NCAPD2: variants seen among roughly 807,000 people sequenced by gnomAD.
NCAPD2 encodes the protein non-SMC condensin I complex subunit D2, also known as condensin complex subunit 1.
Under a neutral mutation model 164.5 loss-of-function variants are expected in NCAPD2, and 100 were observed. The ratio of observed to expected loss-of-function variants is 0.61; its 90% CI spans 0.52 to 0.72. NCAPD2 has a LOEUF of 0.72. NCAPD2 is among the 30% of genes least tolerant of loss of function. NCAPD2 has a pLI of 0.00. For synonymous variants in NCAPD2, 585 were observed against 642.6 expected, an observed-to-expected ratio of 0.91 and a Z score of 1.36; for missense variants, 1,560 against 1,749.2, an observed-to-expected ratio of 0.89 and a Z score of 1.93.
Position 6,521,891 on chromosome 12 carries a change from C to G in NCAPD2, c.1808C>G (p.Ser603Trp). 1 of 1,614,064 alleles carries G rather than the reference C, an allele frequency of 6.2e-7. No homozygotes were observed. The highest frequency in any genetic ancestry group is 1.3e-5 in the African/African-American group (1 of 75,000). The change falls in exon 15 of 32, where the codon TCG becomes TGG. Residue 603 changes from serine to tryptophan, a missense_variant. By Grantham distance (177) the Ser-to-Trp change is radical. Coordinates refer to ENST00000315579, the MANE Select transcript of NCAPD2 (RefSeq NM_014865.4). ...GTCTGTAAAAATAAACCCAATATGT[C>G]GGATCCTGAGGAATCCAGGGGAAAT... is the stretch of plus-strand genomic sequence containing the variant. ...QTVCKNKPNM[S>W]DPEESRGNDE...
At chr12:6,519,597 A>T (rs955529413) in intron 13 of NCAPD2, among the ~76,000 whole-genome samples, 3 of 152,012 alleles carry the variant, frequency 2.0e-5, no homozygotes, top group Admixed American at 6.5e-5. Context: ...CATGTAGACA[A>T]GCAGTCAAAC....
intron 2 of NCAPD2, among the ~76,000 whole-genome samples, chr12:6,498,444 T>C (rs1253647478): frequency 2.0e-5 from 3 of 152,166 alleles, no homozygotes; most frequent in African/African-American, 7.2e-5. Flanking sequence ...CAAGTAAATA[T>C]GTAGTACAGT....
intron 16 of NCAPD2, 95 bp downstream of exon 16, chr12:6,523,097 G>T: frequency 6.6e-7 from 1 of 1,513,794 alleles, no homozygotes; most frequent in East Asian, 2.3e-5. Flanking sequence ...ATTTCTCCAG[G>T]GGAGTTCCAG....
chr12:6,517,028 A>T lies in NCAPD2; in HGVS notation c.1185+3A>T, dbSNP rs747533042. On this transcript the variant is annotated splice_donor_region_variant and intron_variant, in intron 10 of 31. Transcript: ENST00000315579. Reference sequence around the variant, plus strand: ...TCACCCGAATTGTCCAGCAGAAGGTAACCAACTTCTATGTGGCAAAAACAT... The same window carrying T: ...TCACCCGAATTGTCCAGCAGAAGGTTACCAACTTCTATGTGGCAAAAACAT... 4.3e-6 allele frequency: 7 copies of T among 1,614,096 alleles called. No homozygotes were observed. The highest frequency in any genetic ancestry group is 5.9e-6 in the Non-Finnish European group (7 of 1,179,952).
intron 28 of NCAPD2, 34 bp from the exon 29 acceptor site, chr12:6,529,741 T>C (rs1344909142): frequency 6.2e-7 from 1 of 1,603,476 alleles, no homozygotes; most frequent in Non-Finnish European, 8.5e-7. Flanking sequence ...TAGCTGGATC[T>C]CCCAGTTCCT....
chr12:6,529,527 A>G lies in NCAPD2; in HGVS notation c.3587A>G (p.Tyr1196Cys). ...FHTIMKQLLS[Y>C]ITKDKQTESL... Reference sequence around the variant, plus strand: ...CCTTCCTGCAGACAGCTCCTCTCCTACATCACCAAGGACAAGCAGACAGAG... The same window carrying G: ...CCTTCCTGCAGACAGCTCCTCTCCTGCATCACCAAGGACAAGCAGACAGAG... The change falls in exon 28 of 32, where the codon TAC (tyrosine) becomes TGC (cysteine). Residue 1196 changes from tyrosine (Y) to cysteine (C), a missense_variant. By Grantham distance (194) the Tyr-to-Cys change is radical. Transcript: ENST00000315579. 1 of 1,613,998 alleles carries G rather than the reference A, an allele frequency of 6.2e-7. No individual in the cohort carries two copies. Among genetic ancestry groups the G allele is most frequent in the Non-Finnish European group, 8.5e-7 (1 of 1,179,930 alleles).
chr12:6,502,768 C>G (rs969233269), intron 2 of NCAPD2, among the ~76,000 whole-genome samples: 1 of 151,866 alleles, frequency 6.6e-6, no homozygotes, highest in Non-Finnish European at 1.5e-5. Flanking sequence ...AAGCTATGAT[C>G]CTGCACTGCA....
Position 6,517,882 on chromosome 12 carries a change from T to C in NCAPD2, c.1512T>C (p.Pro504=). Residue 504 remains proline (P), a synonymous_variant, in exon 13 of 32, where the codon CCT becomes CCC. Transcript: ENST00000315579. ...LQLPQGEEEI[P]EQIANTETTE... ...TTCCCCAGGGAGAGGAGGAGATTCC[T>C]GAGCAAATTGCCAATACAGAGACAA... is the stretch of plus-strand genomic sequence containing the variant. 2 of 1,614,198 alleles carry C rather than the reference T, an allele frequency of 1.2e-6. No homozygotes were observed. The highest frequency in any genetic ancestry group is 8.5e-7 in the Non-Finnish European group (1 of 1,180,040).
In NCAPD2 at chr12:6,527,765, C is replaced by T; in HGVS notation, c.2908-12C>T. Reference sequence around the variant, plus strand: ...TCTGCTTATCCATGATCCCCAATTTCATTCCCTTTAGAATACGAGCTCTGA... The same window carrying T: ...TCTGCTTATCCATGATCCCCAATTTTATTCCCTTTAGAATACGAGCTCTGA... On this transcript the variant is annotated splice_polypyrimidine_tract_variant and intron_variant, in intron 22 of 31. Coordinates refer to ENST00000315579, the MANE Select transcript of NCAPD2 (RefSeq NM_014865.4). 6.2e-7 allele frequency: 1 copy of T among 1,600,810 alleles called. No individual in the cohort carries two copies. Among genetic ancestry groups the T allele is most frequent in the South Asian group, 1.1e-5 (1 of 89,992 alleles).
Position 6,527,884 on chromosome 12 carries a change from G to A in NCAPD2, c.3015G>A (p.Leu1005=). ...GTGGCATCTGCGAGATGGAACTGTTGGATGGTAAGAAAAATGGCTGCACTC... is the reference window on the plus strand; with the variant it reads ...GTGGCATCTGCGAGATGGAACTGTTAGATGGTAAGAAAAATGGCTGCACTC... ...LIRGICEMEL[L]DGKQTLAAFV... Residue 1005 remains leucine (L), a synonymous_variant, in exon 23 of 32, where the codon TTG becomes TTA. Transcript: ENST00000315579. 4 of 1,613,674 alleles carry A rather than the reference G, an allele frequency of 2.5e-6. No homozygotes were observed. The highest frequency in any genetic ancestry group is 3.4e-6 in the Non-Finnish European group (4 of 1,179,590).
intron 9 of NCAPD2, 113 bp downstream of exon 9, chr12:6,515,033 T>C: frequency 8.6e-7 from 1 of 1,166,114 alleles, no homozygotes; most frequent in Non-Finnish European, 1.2e-6. Context: ...TCTAGATTTA[T>C]CATTGTGACA....
chr12:6,517,380 C>G lies in NCAPD2; in HGVS notation c.1201C>G (p.Arg401Gly), dbSNP rs771172038. ...IVQQKALPLT[R>G]FQAVVALAVG... ...CCCTACACAGGCTCTCCCCCTGACA[C>G]GTTTCCAGGCAGTGGTGGCTTTAGC... The change falls in exon 11 of 32, where the codon CGT becomes GGT. Residue 401 changes from arginine (R) to glycine (G), a missense_variant. Arg to Gly is a moderately radical substitution (Grantham distance 125). Coordinates refer to ENST00000315579, the MANE Select transcript of NCAPD2 (RefSeq NM_014865.4). 2 of 1,614,098 alleles carry G rather than the reference C, an allele frequency of 1.2e-6. No individual in the cohort carries two copies. The highest frequency in any genetic ancestry group is 1.7e-6 in the Non-Finnish European group (2 of 1,180,002).
At chr12:6,510,350 C>T (rs760387776) in intron 4 of NCAPD2, 2 of 783,756 alleles carry the variant, frequency 2.6e-6, no homozygotes, top group Admixed American at 3.4e-5. Context: ...AAGGGCAGAC[C>T]AACAAGAACT....
Position 6,514,886 on chromosome 12 carries a change from G to C in NCAPD2, c.953G>C (p.Ser318Thr). The change falls in exon 9 of 32, where the codon AGC becomes ACC. Residue 318 changes from serine to threonine, a missense_variant. Transcript: ENST00000315579. Reference protein sequence around the residue: ...AERVPAILMSSMCILLDHLDG... With the variant: ...AERVPAILMSTMCILLDHLDG... ...CGTGTCCCAGCTATCCTGATGTCCA[G>C]CATGTGCATTTTGCTAGATCACCTG... 1 of 1,614,220 alleles carries C rather than the reference G, an allele frequency of 6.2e-7. No homozygotes were observed. The highest frequency in any genetic ancestry group is 1.1e-5 in the South Asian group (1 of 91,084).
At chr12:6,517,312 C>G in intron 10 of NCAPD2, 53 bp from the exon 11 acceptor site, 1 of 1,593,848 alleles carries the variant, frequency 6.3e-7, no homozygotes, top group South Asian at 1.1e-5. Flanking sequence ...TCATCTTGAA[C>G]AAAATGGATG....
In NCAPD2 at chr12:6,514,914, T is replaced by C; in HGVS notation, c.981T>C (p.Asp327=). 6.2e-7 allele frequency: 1 copy of C among 1,614,212 alleles called. No homozygotes were observed. The highest frequency in any genetic ancestry group is 8.5e-7 in the Non-Finnish European group (1 of 1,180,030). The change falls in exon 9 of 32, where the codon GAT becomes GAC. Residue 327 remains aspartate (D), a synonymous_variant. Coordinates refer to ENST00000315579, the MANE Select transcript of NCAPD2 (RefSeq NM_014865.4). The part of the protein sequence containing the change: ...SSMCILLDHL[D]GENYMMRNAV... Reference sequence around the variant, plus strand: ...TGTGCATTTTGCTAGATCACCTGGATGGAGAAGTAGGTGGTCCACTAGGGG... The same window carrying C: ...TGTGCATTTTGCTAGATCACCTGGACGGAGAAGTAGGTGGTCCACTAGGGG...
In NCAPD2 at chr12:6,516,980, G is replaced by A. The variant is rs202243696; in HGVS notation, c.1140G>A (p.Val380=). 1 of 1,614,116 alleles carries A rather than the reference G, an allele frequency of 6.2e-7. No homozygotes were observed. The highest frequency in any genetic ancestry group is 1.3e-5 in the African/African-American group (1 of 75,018). Residue 380 remains valine (V), a synonymous_variant, in exon 10 of 32, where the codon GTG becomes GTA. Coordinates refer to ENST00000315579, the MANE Select transcript of NCAPD2 (RefSeq NM_014865.4). ...ATGGCCATGATGTCAACTCCTTTGT[G>A]CGGAGCCGTGTTTTGCAGCTCTTCA... The part of the protein sequence containing the change: ...QAHGHDVNSF[V]RSRVLQLFTR...
chr12:6,516,318 ATGGT>A (rs534690727), intron 9 of NCAPD2, among the ~76,000 whole-genome samples: 32,194 of 151,226 alleles, frequency 0.21, 3,607 homozygotes, highest in Non-Finnish European at 0.24. Context: ...CCTGGCCAAT[ATGGT>A]GAAATCCTGT....
intron 6 of NCAPD2, among the ~76,000 whole-genome samples, chr12:6,513,693 G>A (rs1298646963): frequency 1.6e-5 from 2 of 122,268 alleles, no homozygotes; most frequent in Non-Finnish European, 3.4e-5. Context: ...ATTTAGGAAT[G>A]AGAAGTCATT....
Sources: gnomAD v4.1 joint callset for allele counts (sites outside exome capture counted in the v4.1 genomes callset) on GRCh38, gnomAD v4.1.1 for gene constraint, MANE v1.5 for transcripts, NCBI Gene and HGNC (gene_info 2026-07-23, HGNC 2026-07-21) for gene names.